Variants in PDGFRL observed in about 807,000 individuals in gnomAD.
PDGFRL encodes platelet derived growth factor receptor like.
A neutral mutation model predicts 37.2 loss-of-function variants in PDGFRL; 46 were observed. The ratio of observed to expected loss-of-function variants is 1.24; its 90% CI spans 0.98 to 1.58. The LOEUF (loss-of-function observed/expected upper bound fraction) is 1.58, where lower values mean the gene tolerates loss of function less well. Ranked by LOEUF, PDGFRL falls within the 40% of genes most tolerant of loss-of-function variation. The pLI is 0.00. For synonymous variants in PDGFRL, 251 were observed against 184.3 expected, an observed-to-expected ratio of 1.36 and a Z score of -2.93; for missense variants, 692 against 467.6, an observed-to-expected ratio of 1.48 and a Z score of -4.43.
chr8:17,634,523 G>A (rs1804930693), intron 5 of PDGFRL, among the ~76,000 whole-genome samples: 1 of 151,660 alleles, frequency 6.6e-6, no homozygotes, highest in Non-Finnish European at 1.5e-5. Context: ...GGACAGTAAT[G>A]CTCATTGCAG....
chr8:17,623,484 G>A (rs1804672048), intron 3 of PDGFRL, among the ~76,000 whole-genome samples: 1 of 152,218 alleles, frequency 6.6e-6, no homozygotes, highest in Non-Finnish European at 1.5e-5. Context: ...GTTGCAGAAG[G>A]AAGATTCTTT....
intron 2 of PDGFRL, among the ~76,000 whole-genome samples, chr8:17,592,545 C>T (rs183383359): frequency 2.0e-5 from 3 of 152,324 alleles, no homozygotes; most frequent in Admixed American, 2.0e-4. Context: ...CTGGAGTCAC[C>T]TCTAATCTCG....
chr8:17,619,845 A>G (rs1443533434), intron 2 of PDGFRL, among the ~76,000 whole-genome samples: 3 of 152,188 alleles, frequency 2.0e-5, no homozygotes, highest in African/African-American at 7.2e-5. Context: ...TACTTAAGGA[A>G]ACCGCAGGTC....
intron 2 of PDGFRL, among the ~76,000 whole-genome samples, chr8:17,590,992 C>T (rs1051002778): frequency 2.0e-5 from 3 of 151,660 alleles, no homozygotes; most frequent in East Asian, 2.0e-4. Flanking sequence ...ACACCATTCT[C>T]CTGCCTCAGC....
intron 2 of PDGFRL, among the ~76,000 whole-genome samples, chr8:17,606,961 T>C (rs928592564): frequency 1.4e-5 from 2 of 139,596 alleles, no homozygotes; most frequent in Admixed American, 7.7e-5. Flanking sequence ...AGTGGTGCAA[T>C]CTGGGCTCAC....
chr8:17,608,170 C>T (rs1304361148), intron 2 of PDGFRL, among the ~76,000 whole-genome samples: 1 of 152,310 alleles, frequency 6.6e-6, no homozygotes, highest in Non-Finnish European at 1.5e-5. Context: ...GGAGTTCATC[C>T]TGATTTGCCC....
intron 4 of PDGFRL, among the ~76,000 whole-genome samples, chr8:17,632,837 C>G (rs947712155): frequency 3.0e-4 from 45 of 152,250 alleles, no homozygotes; most frequent in African/African-American, 1.1e-3. Context: ...CATGGGCATT[C>G]CCAGCCTGCT....
rs189518280 is a variant in PDGFRL, at chr8:17,630,216, C to T, written c.799+1436C>T. ...AGAACACTTGGAGTTCTCAAATTCC[C>T]GCCTCATTCTCTTCCAGTTGGCCTT... is the stretch of plus-strand genomic sequence containing the variant. On this transcript the variant is annotated intron_variant, in intron 4 of 5. Transcript: ENST00000251630. Among the ~76,000 whole-genome samples the T allele has an allele frequency of 1.6e-4, 24 of 152,298 alleles. No individual in the cohort carries two copies. In the East Asian group the frequency reaches 2.1e-3, roughly 13 times the overall value.
At chr8:17,641,146 T>C (rs1640492967) in intron 5 of PDGFRL, among the ~76,000 whole-genome samples, 1 of 152,126 alleles carries the variant, frequency 6.6e-6, no homozygotes. Flanking sequence ...ACCGAGTTTG[T>C]TTCTAGGCAG....
At chr8:17,606,505 A>T (rs1804280211) in intron 2 of PDGFRL, among the ~76,000 whole-genome samples, 1 of 152,160 alleles carries the variant, frequency 6.6e-6, no homozygotes, top group Non-Finnish European at 1.5e-5. Flanking sequence ...CCACCCCAGA[A>T]ATGACAAATA....
chr8:17,625,992 C>G (rs2129787617), intron 3 of PDGFRL, among the ~76,000 whole-genome samples: 1 of 152,306 alleles, frequency 6.6e-6, no homozygotes, highest in Non-Finnish European at 1.5e-5. Context: ...GAGACCCTGT[C>G]TCAAAAAATA....
intron 2 of PDGFRL, among the ~76,000 whole-genome samples, chr8:17,620,047 C>A (rs1166193845): frequency 6.6e-6 from 1 of 152,152 alleles, no homozygotes; most frequent in Non-Finnish European, 1.5e-5. Context: ...ACTGGAATCT[C>A]AAATTCTTGT....
At chr8:17,638,761 A>G (rs1805027785) in intron 5 of PDGFRL, among the ~76,000 whole-genome samples, 2 of 113,030 alleles carry the variant, frequency 1.8e-5, no homozygotes, top group East Asian at 2.9e-4. Flanking sequence ...ATATATATAT[A>G]TATATATATA....
chr8:17,622,339 G>GTT (rs1035674824), intron 3 of PDGFRL, among the ~76,000 whole-genome samples: 1 of 152,238 alleles, frequency 6.6e-6, no homozygotes, highest in Non-Finnish European at 1.5e-5. Flanking sequence ...AGAATCCTTT[G>GTT]TTAGTGCCTG....
intron 1 of PDGFRL, among the ~76,000 whole-genome samples, chr8:17,580,800 G>A (rs759489922): frequency 5.3e-5 from 8 of 152,130 alleles, no homozygotes; most frequent in Non-Finnish European, 1.0e-4. Flanking sequence ...CAGCTTCTAA[G>A]ATGCGGGTAG....
At chr8:17,616,205 T>TTTA (rs1804523879) in intron 2 of PDGFRL, among the ~76,000 whole-genome samples, 1 of 150,046 alleles carries the variant, frequency 6.7e-6, no homozygotes, top group Admixed American at 6.6e-5. Context: ...TATTTATTTA[T>TTTA]TTATTTCTGA....
intron 2 of PDGFRL, among the ~76,000 whole-genome samples, chr8:17,619,315 A>T (rs1455122509): frequency 2.6e-5 from 4 of 152,350 alleles, no homozygotes; most frequent in African/African-American, 9.6e-5. Flanking sequence ...GATTTGTGCC[A>T]CAATATAATA....
At chr8:17,591,302 C>T (rs910790575) in intron 2 of PDGFRL, among the ~76,000 whole-genome samples, 2 of 152,110 alleles carry the variant, frequency 1.3e-5, no homozygotes, top group Non-Finnish European at 2.9e-5. Context: ...GGCTTCTAGA[C>T]CAGGAAGAGT....
chr8:17,613,647 G>A (rs574868881), intron 2 of PDGFRL, among the ~76,000 whole-genome samples: 9 of 152,308 alleles, frequency 5.9e-5, no homozygotes, highest in Non-Finnish European at 8.8e-5. Context: ...GGAGGCCGAG[G>A]CAGGTGGATT....
Sources: gnomAD v4.1 joint callset for allele counts (sites outside exome capture counted in the v4.1 genomes callset) on GRCh38, gnomAD v4.1.1 for gene constraint, MANE v1.5 for transcripts, NCBI Gene and HGNC (gene_info 2026-07-23, HGNC 2026-07-21) for gene names.